Variants in SLC9C2 observed in about 807,000 individuals in gnomAD.
SLC9C2 encodes sodium/hydrogen exchanger 11.
In SLC9C2, 75 loss-of-function variants were observed where a neutral mutation model predicts 140.2. That is an observed-to-expected ratio of 0.53 (90% CI 0.44 to 0.65). The LOEUF is 0.65. SLC9C2 is among the 30% of genes least tolerant of loss of function. The pLI is 0.00. For synonymous variants in SLC9C2, 375 were observed against 420.9 expected, an observed-to-expected ratio of 0.89 and a Z score of 1.34; for missense variants, 1,074 against 1,331.8, an observed-to-expected ratio of 0.81 and a Z score of 3.01.
chr1:173,507,914 T>C (rs1659771539), intron 24 of SLC9C2, among the ~76,000 whole-genome samples: 1 of 152,132 alleles, frequency 6.6e-6, no homozygotes, highest in Non-Finnish European at 1.5e-5. Context: ...GTTACAGCCG[T>C]GCTTGCAAAC....
At chr1:173,566,159 G>T (rs555683327) in intron 9 of SLC9C2, among the ~76,000 whole-genome samples, 1 of 152,138 alleles carries the variant, frequency 6.6e-6, no homozygotes, top group African/African-American at 2.4e-5. Context: ...ATGTGTCTTT[G>T]TCTGGTGTTG....
chr1:173,554,717 G>C lies in SLC9C2; in HGVS notation c.1297+16C>G. On this transcript the variant is annotated intron_variant, in intron 11 of 27. Transcript: ENST00000367714. ...TATTCTCCCCAGCTAATTCATGAAT[G>C]AGACACATACTTTACCTAACTTCCT... The C allele has an allele frequency of 6.5e-7, 1 of 1,535,876 alleles. No individual in the cohort carries two copies. Among genetic ancestry groups the C allele is most frequent in the Non-Finnish European group, 9.0e-7 (1 of 1,110,240 alleles).
rs749000348 is a variant in SLC9C2, at chr1:173,582,010, T to TA, written c.641-3dup. ...TGAGTTCAATGCCTACATGTAAATC[T>TA]AAAAAAAAGAAAGAAAAAATAAGAA... On this transcript the variant is annotated splice_polypyrimidine_tract_variant and splice_region_variant and intron_variant, in intron 6 of 27. Coordinates refer to ENST00000367714, the MANE Select transcript of SLC9C2 (RefSeq NM_178527.4). The TA allele has an allele frequency of 5.6e-5, 84 of 1,505,460 alleles. No homozygotes were observed. The highest frequency in any genetic ancestry group is 3.5e-4 in the South Asian group (26 of 74,632). The allele number at this position is 1,505,460 out of a possible 1,614,324, so 93.3% of individuals were successfully genotyped here.
intron 14 of SLC9C2, among the ~76,000 whole-genome samples, chr1:173,536,559 G>A (rs1661974096): frequency 6.6e-6 from 1 of 152,170 alleles, no homozygotes; most frequent in African/African-American, 2.4e-5. Context: ...CAGCCTCCAG[G>A]CTTCTAAACC....
chr1:173,518,558 A>G (rs1434144208), intron 22 of SLC9C2, among the ~76,000 whole-genome samples: 1 of 152,174 alleles, frequency 6.6e-6, no homozygotes, highest in Non-Finnish European at 1.5e-5. Flanking sequence ...CAAGAAAATA[A>G]CTGGTAGGCA....
In SLC9C2 at chr1:173,576,001, A is replaced by G. The variant is rs529645788; in HGVS notation, c.902+660T>C. ...AACGGACATAATTTCATAGTAATGCATAGTCCTTATATTAAATAAATTAAT... is the reference window on the plus strand; with the variant it reads ...AACGGACATAATTTCATAGTAATGCGTAGTCCTTATATTAAATAAATTAAT... On this transcript the variant is annotated intron_variant, in intron 8 of 27. Coordinates refer to ENST00000367714, the MANE Select transcript of SLC9C2 (RefSeq NM_178527.4). Among the ~76,000 whole-genome samples, 120 of 152,378 alleles carry G rather than the reference A, an allele frequency of 7.9e-4. 1 individual carries two copies. The highest frequency in any genetic ancestry group is 9.1e-4 in the Non-Finnish European group (62 of 68,048).
Position 173,597,980 on chromosome 1 carries a change from G to A in SLC9C2, c.281C>T (p.Ser94Phe). ...AAATATAATTAAAGGTGAAAAGTAA[G>A]AATAAAGTGAAAAACTTGATGTTCT... Reference protein sequence around the residue: ...LLRTSSFSLYSYFSPLIIFMV... With the variant: ...LLRTSSFSLYFYFSPLIIFMV... Residue 94 changes from serine (S) to phenylalanine (F), a missense_variant, in exon 4 of 28, where the codon TCT (serine) becomes TTT (phenylalanine). Physicochemically the swap from Ser to Phe is radical, Grantham distance 155 (BLOSUM62 -2). Coordinates refer to ENST00000367714, the MANE Select transcript of SLC9C2 (RefSeq NM_178527.4). 1 of 1,598,136 alleles carries A rather than the reference G, an allele frequency of 6.3e-7. No individual in the cohort carries two copies. Among genetic ancestry groups the A allele is most frequent in the Non-Finnish European group, 8.5e-7 (1 of 1,171,604 alleles).
chr1:173,565,283 A>G (rs942809195), intron 9 of SLC9C2, among the ~76,000 whole-genome samples: 1 of 152,220 alleles, frequency 6.6e-6, no homozygotes, highest in Non-Finnish European at 1.5e-5. Context: ...ATCTATGCCC[A>G]GACCAGTGTC....
At chr1:173,595,833 T>A (rs1666420217) in intron 4 of SLC9C2, among the ~76,000 whole-genome samples, 1 of 152,208 alleles carries the variant, frequency 6.6e-6, no homozygotes, top group East Asian at 1.9e-4. Flanking sequence ...TACAGTTATA[T>A]GAGTTTTGAT....
chr1:173,572,682 A>C (rs1664913972), intron 9 of SLC9C2, among the ~76,000 whole-genome samples: 1 of 152,240 alleles, frequency 6.6e-6, no homozygotes, highest in Non-Finnish European at 1.5e-5. Flanking sequence ...ATACATCACA[A>C]AGTGATATTC....
In SLC9C2 at chr1:173,587,843, T is replaced by A. The variant is rs1207761174; in HGVS notation, c.358-13A>T. 6 of 1,603,936 alleles carry A rather than the reference T, an allele frequency of 3.7e-6. No homozygotes were observed. Among genetic ancestry groups the A allele is most frequent in the African/African-American group, 1.3e-5 (1 of 74,668 alleles). On this transcript the variant is annotated splice_polypyrimidine_tract_variant and intron_variant, in intron 4 of 27. Transcript: ENST00000367714. ...CAGTTAACAAGACCTGTGAACCAAT[T>A]CATAACACAGTATTAGACTTAACAT...
intron 10 of SLC9C2, chr1:173,555,464 A>T (rs1663609370): frequency 6.6e-6 from 1 of 152,218 alleles, no homozygotes. Context: ...ACACTTGACT[A>T]ATAACAACAA....
At chr1:173,595,469 A>G (rs1260787786) in intron 4 of SLC9C2, among the ~76,000 whole-genome samples, 1 of 152,138 alleles carries the variant, frequency 6.6e-6, no homozygotes, top group South Asian at 2.1e-4. Context: ...TGGCCAAACT[A>G]TCTTCTTAGG....
chr1:173,500,982 C>A lies in SLC9C2; in HGVS notation c.*112G>T. ...TGTTTCAGTAGCTTCTAAGTAAACT[C>A]CTTGCAGATAATCCTTTAGTATTTG... On this transcript the variant is annotated 3_prime_UTR_variant, in exon 28 of 28. Coordinates refer to ENST00000367714, the MANE Select transcript of SLC9C2 (RefSeq NM_178527.4). 8.1e-7 allele frequency: 1 copy of A among 1,233,918 alleles called. No individual in the cohort carries two copies. The highest frequency in any genetic ancestry group is 1.1e-6 in the Non-Finnish European group (1 of 947,492). The allele number at this position is 1,233,918 out of a possible 1,614,324, so 76.4% of individuals were successfully genotyped here.
Position 173,521,285 on chromosome 1 carries a change from ATC to A in SLC9C2, c.2739+14_2739+15del. 1 of 1,340,828 alleles carries A rather than the reference ATC, an allele frequency of 7.5e-7. No homozygotes were observed. 83.1% of individuals were successfully genotyped at this position (1,340,828 alleles called of 1,614,324 possible). On this transcript the variant is annotated intron_variant, in intron 22 of 27. Transcript: ENST00000367714. The stretch of plus-strand genomic sequence containing the variant: ...ATTTTAAGTAAAAAAAAAAAAAAAA[ATC>A]AATAGTCCCTTACAATTGCCATTCC...
rs116885606 is a variant in SLC9C2 at position 173,575,270 on chromosome 1, G to A, written c.902+1391C>T. On this transcript the variant is annotated intron_variant, in intron 8 of 27. Transcript: ENST00000367714. The stretch of plus-strand genomic sequence containing the variant: ...TTAACAAGGAGCACTTCTGAGAAGG[G>A]ACTTATTTTCGTGGCCCCAGACCTA... Among the ~76,000 whole-genome samples the A allele has an allele frequency of 2.3e-4, 35 of 152,204 alleles. No homozygotes were observed. In the East Asian group the frequency reaches 6.4e-3, roughly 28 times the overall value.
chr1:173,509,435 C>G (rs1571426413), intron 24 of SLC9C2, 133 bp downstream of exon 24: 2 of 736,916 alleles, frequency 2.7e-6, no homozygotes, highest in Non-Finnish European at 4.0e-6. Context: ...ACAGAGTGAG[C>G]CTCTGTCTCA....
intron 7 of SLC9C2, among the ~76,000 whole-genome samples, chr1:173,577,809 T>G (rs1665277088): frequency 6.6e-6 from 1 of 152,236 alleles, no homozygotes; most frequent in Non-Finnish European, 1.5e-5. Flanking sequence ...AATAGTTTAT[T>G]AATTTAAAGA....
chr1:173,589,165 T>A (rs552144675), intron 4 of SLC9C2, among the ~76,000 whole-genome samples: 1 of 152,264 alleles, frequency 6.6e-6, no homozygotes, highest in Non-Finnish European at 1.5e-5. Context: ...CTGGTTCACA[T>A]AACTTACATT....
Sources: gnomAD v4.1 joint callset for allele counts (sites outside exome capture counted in the v4.1 genomes callset) on GRCh38, gnomAD v4.1.1 for gene constraint, MANE v1.5 for transcripts, NCBI Gene and HGNC (gene_info 2026-07-23, HGNC 2026-07-21) for gene names.